The following CSTPP1 variants were observed in gnomAD, a reference collection of about 807,000 sequenced individuals.
CSTPP1 encodes centriolar satellite-associated tubulin polyglutamylase complex regulator 1.
the CSTPP1 span, among the ~76,000 whole-genome samples, chr11:47,162,752 GCCT>G: frequency 6.6e-6 from 1 of 152,108 alleles, no homozygotes; most frequent in African/African-American, 2.4e-5. Flanking sequence ...GAACAGGACT[GCCT>G]CCTCTGAAGG....
At chr11:47,004,617 G>A in the CSTPP1 span, among the ~76,000 whole-genome samples, 1 of 152,096 alleles carries the variant, frequency 6.6e-6, no homozygotes, top group East Asian at 1.9e-4. Context: ...GCCTAAGAAA[G>A]CTTTTCTATC....
the CSTPP1 span, among the ~76,000 whole-genome samples, chr11:46,959,077 G>T: frequency 6.6e-6 from 1 of 152,090 alleles, no homozygotes; most frequent in Non-Finnish European, 1.5e-5. Flanking sequence ...TTCAATTATG[G>T]TAGATTTGAT....
At chr11:47,054,621 A>T in the CSTPP1 span, among the ~76,000 whole-genome samples, 1 of 152,066 alleles carries the variant, frequency 6.6e-6, no homozygotes, top group Non-Finnish European at 1.5e-5. Flanking sequence ...AGGCTTTTAG[A>T]TAGGAGAGTG....
the CSTPP1 span, among the ~76,000 whole-genome samples, chr11:47,035,142 G>C: frequency 2.6e-5 from 4 of 152,298 alleles, no homozygotes; most frequent in African/African-American, 9.6e-5. Flanking sequence ...TGCAGCAACT[G>C]CTTCATGAAT....
At chr11:47,154,477 T>G in the CSTPP1 span, 8 of 152,378 alleles carry the variant, frequency 5.3e-5, no homozygotes, top group African/African-American at 1.9e-4. Flanking sequence ...GTGAGGTGGG[T>G]CCTCAGTGGG....
the CSTPP1 span, among the ~76,000 whole-genome samples, chr11:47,034,880 A>T: frequency 6.6e-6 from 1 of 152,108 alleles, no homozygotes; most frequent in Admixed American, 6.6e-5. Flanking sequence ...TGATATCCTG[A>T]TATTTTTTAA....
the CSTPP1 span, chr11:47,161,254 C>A: frequency 1.9e-6 from 3 of 1,612,718 alleles, no homozygotes; most frequent in East Asian, 6.7e-5. Flanking sequence ...CACGGCTGTG[C>A]CCCATCTGGG....
the CSTPP1 span, among the ~76,000 whole-genome samples, chr11:47,050,298 A>G: frequency 6.6e-6 from 1 of 152,210 alleles, no homozygotes; most frequent in Non-Finnish European, 1.5e-5. Flanking sequence ...ATCTTTCTAA[A>G]TCAATTTCCA....
chr11:47,047,638 A>G, the CSTPP1 span, among the ~76,000 whole-genome samples: 1 of 152,238 alleles, frequency 6.6e-6, no homozygotes, highest in Non-Finnish European at 1.5e-5. Flanking sequence ...CCAAAAGCAT[A>G]AGGAACAAAA....
chr11:47,129,778 T>G, the CSTPP1 span, among the ~76,000 whole-genome samples: 1 of 152,186 alleles, frequency 6.6e-6, no homozygotes, highest in Non-Finnish European at 1.5e-5. Flanking sequence ...ATGCCTGCAT[T>G]TCTTTAAATC....
chr11:47,025,229 A>G, the CSTPP1 span, among the ~76,000 whole-genome samples: 5 of 152,192 alleles, frequency 3.3e-5, no homozygotes, highest in African/African-American at 1.2e-4. Context: ...AACTACAATT[A>G]TTTTCTAAAA....
chr11:46,984,128 T>C, the CSTPP1 span, among the ~76,000 whole-genome samples: 1 of 152,336 alleles, frequency 6.6e-6, no homozygotes, highest in East Asian at 1.9e-4. Context: ...ACTATCAACA[T>C]ACATTCCTGC....
the CSTPP1 span, among the ~76,000 whole-genome samples, chr11:47,127,036 T>C: frequency 6.6e-6 from 1 of 152,136 alleles, no homozygotes; most frequent in African/African-American, 2.4e-5. Context: ...TGCCAGGTGT[T>C]TTTCATCCAT....
chr11:47,090,387 A>G, the CSTPP1 span, among the ~76,000 whole-genome samples: 1 of 152,232 alleles, frequency 6.6e-6, no homozygotes, highest in African/African-American at 2.4e-5. Flanking sequence ...GATGTTCACT[A>G]TCATCTTTTT....
chr11:47,130,086 A>C, the CSTPP1 span, among the ~76,000 whole-genome samples: 1 of 152,108 alleles, frequency 6.6e-6, no homozygotes, highest in Non-Finnish European at 1.5e-5. Context: ...GTGAAACCCC[A>C]TCTCTACTAA....
chr11:47,024,177 A>G, the CSTPP1 span, among the ~76,000 whole-genome samples: 1 of 151,892 alleles, frequency 6.6e-6, no homozygotes, highest in African/African-American at 2.4e-5. Context: ...CTCTTGCCTC[A>G]GTCTCCCAAG....
At chr11:46,965,946 C>T in the CSTPP1 span, among the ~76,000 whole-genome samples, 3 of 152,202 alleles carry the variant, frequency 2.0e-5, no homozygotes, top group Admixed American at 1.3e-4. Context: ...AATGGTGCTT[C>T]ACTTAAGTAT....
the CSTPP1 span, chr11:47,157,055 G>T: frequency 6.2e-7 from 1 of 1,614,104 alleles, no homozygotes; most frequent in Non-Finnish European, 8.5e-7. Context: ...CATCTATGAG[G>T]ACCTGCTGTC....
At chr11:47,016,839 C>CTTTTTT in the CSTPP1 span, among the ~76,000 whole-genome samples, 9 of 99,844 alleles carry the variant, frequency 9.0e-5, no homozygotes, top group African/African-American at 1.6e-4. Flanking sequence ...TCATTTAGTA[C>CTTTTTT]TTTTTTTTTT....
Sources: gnomAD v4.1 joint callset for allele counts (sites outside exome capture counted in the v4.1 genomes callset) on GRCh38, gnomAD v4.1.1 for gene constraint, MANE v1.5 for transcripts, NCBI Gene and HGNC (gene_info 2026-07-23, HGNC 2026-07-21) for gene names.